The following RBMS1 variants were observed in gnomAD, a reference collection of about 807,000 sequenced individuals.
The protein encoded by RBMS1 is RNA binding motif single stranded interacting protein 1, also known as RNA-binding motif, single-stranded-interacting protein 1.
RBMS1 carries 17 observed loss-of-function variants against 62.3 expected under a neutral mutation model. The ratio of observed to expected loss-of-function variants is 0.27; its 90% CI spans 0.19 to 0.41. The LOEUF is 0.41. Ranked by LOEUF, RBMS1 falls within the 10% of genes least tolerant of loss-of-function variation. The probability of loss-of-function intolerance (pLI) is 1.00; values close to 1 mark genes in which losing one functional copy is unlikely to be tolerated. For synonymous variants in RBMS1, 172 were observed against 170.0 expected, an observed-to-expected ratio of 1.01 and a Z score of -0.09; for missense variants, 334 against 504.5, an observed-to-expected ratio of 0.66 and a Z score of 3.24.
chr2:160,288,158 T>C (rs890947876), intron 6 of RBMS1, among the ~76,000 whole-genome samples: 9 of 152,068 alleles, frequency 5.9e-5, no homozygotes, highest in Admixed American at 5.9e-4. Context: ...CATTTTTCTG[T>C]GTTTCTAGTT....
At chr2:160,278,695 T>C (rs1433687656) in intron 10 of RBMS1, 37 bp from the exon 11 acceptor site, 1 of 1,341,122 alleles carries the variant, frequency 7.5e-7, no homozygotes, top group Non-Finnish European at 1.1e-6. Flanking sequence ...TTAGACAAAC[T>C]GAGGCAAGAG....
In RBMS1 at chr2:160,288,838, T is replaced by A. The variant is rs1268642334; in HGVS notation, c.641-1754A>T. Among the ~76,000 whole-genome samples, 7 of 152,204 alleles carry A rather than the reference T, an allele frequency of 4.6e-5. No homozygotes were observed. In the South Asian group the frequency reaches 8.3e-4, roughly 18 times the overall value. On this transcript the variant is annotated intron_variant, in intron 6 of 13. Coordinates refer to ENST00000348849, the MANE Select transcript of RBMS1 (RefSeq NM_016836.4). ...ACTGAAATTTAACCTTTTTTTTGTT[T>A]TTTTTAAAGAAGTTACTTGGCTCAG...
intron 1 of RBMS1, among the ~76,000 whole-genome samples, chr2:160,405,402 A>C (rs1207548999): frequency 6.6e-6 from 1 of 152,180 alleles, no homozygotes; most frequent in Non-Finnish European, 1.5e-5. Context: ...GCAAGGTTGA[A>C]GCTTAACATC....
At chr2:160,337,826 C>T (rs1200630029) in intron 2 of RBMS1, among the ~76,000 whole-genome samples, 1 of 152,150 alleles carries the variant, frequency 6.6e-6, no homozygotes, top group Non-Finnish European at 1.5e-5. Context: ...GCTCTTAGGG[C>T]ACCTTTCTTG....
chr2:160,448,599 G>A (rs921029981), intron 1 of RBMS1, among the ~76,000 whole-genome samples: 1 of 152,230 alleles, frequency 6.6e-6, no homozygotes, highest in East Asian at 1.9e-4. Context: ...CTCAGTGCTC[G>A]ATGTTGCCCA....
chr2:160,467,179 G>A (rs751462931), intron 1 of RBMS1, among the ~76,000 whole-genome samples: 43 of 151,296 alleles, frequency 2.8e-4, no homozygotes, highest in Non-Finnish European at 4.9e-4. Context: ...AAAGATGGGC[G>A]TTCCTGCAGA....
At chr2:160,489,607 T>C (rs1349986026) in intron 1 of RBMS1, among the ~76,000 whole-genome samples, 2 of 152,186 alleles carry the variant, frequency 1.3e-5, no homozygotes, top group Non-Finnish European at 2.9e-5. Flanking sequence ...GAATAAATTA[T>C]ATCATTTATT....
chr2:160,435,921 T>C (rs1178541615), intron 1 of RBMS1, among the ~76,000 whole-genome samples: 1 of 152,168 alleles, frequency 6.6e-6, no homozygotes, highest in Non-Finnish European at 1.5e-5. Context: ...GACTGGGGTA[T>C]AGAGGAGCAG....
intron 1 of RBMS1, among the ~76,000 whole-genome samples, chr2:160,484,627 T>C (rs1004165802): frequency 4.0e-5 from 6 of 151,450 alleles, no homozygotes; most frequent in Non-Finnish European, 7.4e-5. Context: ...TCCCAGCACT[T>C]TGGGAGGCCC....
At chr2:160,304,562 A>G (rs1344277466) in intron 4 of RBMS1, among the ~76,000 whole-genome samples, 1 of 152,216 alleles carries the variant, frequency 6.6e-6, no homozygotes, top group Non-Finnish European at 1.5e-5. Flanking sequence ...CCTGTAATAG[A>G]GATGAAAACT....
chr2:160,480,118 G>A (rs998074005), intron 1 of RBMS1, among the ~76,000 whole-genome samples: 7 of 151,850 alleles, frequency 4.6e-5, no homozygotes, highest in African/African-American at 1.5e-4. Flanking sequence ...ACAATATCAG[G>A]GGCATATTAA....
chr2:160,382,064 C>T (rs547175714), intron 1 of RBMS1, among the ~76,000 whole-genome samples: 1 of 152,326 alleles, frequency 6.6e-6, no homozygotes, highest in Non-Finnish European at 1.5e-5. Flanking sequence ...GTAATCCCAC[C>T]CTATGTCTTA....
At chr2:160,335,876 A>G (rs1287764291) in intron 2 of RBMS1, among the ~76,000 whole-genome samples, 2 of 152,174 alleles carry the variant, frequency 1.3e-5, no homozygotes, top group Admixed American at 6.5e-5. Context: ...CACAGCTGAC[A>G]AAGAGGACCA....
chr2:160,385,669 C>T lies in RBMS1; in HGVS notation c.76-18278G>A, dbSNP rs113127910. ...CATCACTTAGGACAACTGAGAAGAG[C>T]ATCAGGAAGGGAATGTAGAGATGCC... On this transcript the variant is annotated intron_variant, in intron 1 of 13. Transcript: ENST00000348849. 5.1e-3 allele frequency among the ~76,000 whole-genome samples: 770 copies of T among 152,324 alleles called. 6 individuals carry two copies. Among genetic ancestry groups the T allele is most frequent in the African/African-American group, 0.017 (727 of 41,558 alleles).
At chr2:160,355,327 T>C (rs75698681) in intron 2 of RBMS1, among the ~76,000 whole-genome samples, 1 of 152,076 alleles carries the variant, frequency 6.6e-6, no homozygotes, top group Non-Finnish European at 1.5e-5. Context: ...ATTACTTCTT[T>C]CTGTTTAATA....
At chr2:160,324,936 A>C (rs1690837289) in intron 2 of RBMS1, among the ~76,000 whole-genome samples, 1 of 146,836 alleles carries the variant, frequency 6.8e-6, no homozygotes, top group African/African-American at 2.5e-5. Flanking sequence ...ACACACACAC[A>C]CATATATATG....
At chr2:160,318,022 C>A in intron 3 of RBMS1, 147 bp downstream of exon 3, 1 of 1,216,676 alleles carries the variant, frequency 8.2e-7, no homozygotes. Flanking sequence ...AAGTAATATG[C>A]TGACACTGTG....
intron 1 of RBMS1, among the ~76,000 whole-genome samples, chr2:160,465,865 TACACAC>T (rs72005445): frequency 7.5e-5 from 11 of 146,738 alleles, no homozygotes; most frequent in South Asian, 2.2e-4. Context: ...CACACACACA[TACACAC>T]ACACACACAC....
At chr2:160,366,952 A>T (rs917731186) in intron 2 of RBMS1, 1 of 262,086 alleles carries the variant, frequency 3.8e-6, no homozygotes, top group African/African-American at 2.2e-5. Flanking sequence ...AAAAAAATTC[A>T]TATTTTACTT....
Sources: gnomAD v4.1 joint callset for allele counts (sites outside exome capture counted in the v4.1 genomes callset) on GRCh38, gnomAD v4.1.1 for gene constraint, MANE v1.5 for transcripts, NCBI Gene and HGNC (gene_info 2026-07-23, HGNC 2026-07-21) for gene names.